The following DCAF7 variants were observed in gnomAD, a reference collection of about 807,000 sequenced individuals.
DCAF7 encodes DDB1 and CUL4 associated factor 7, also known as DDB1- and CUL4-associated factor 7.
Under a neutral mutation model 41.2 loss-of-function variants are expected in DCAF7, and 4 were observed. That is an observed-to-expected ratio of 0.10 (90% CI 0.05 to 0.22). The LOEUF (loss-of-function observed/expected upper bound fraction) is 0.22. Among genes scored for constraint, DCAF7 ranks in the 10% least tolerant of loss-of-function variants. The pLI is 1.00. For synonymous variants in DCAF7, 143 were observed against 164.2 expected, an observed-to-expected ratio of 0.87 and a Z score of 0.99; for missense variants, 131 against 443.2, an observed-to-expected ratio of 0.30 and a Z score of 6.32.
At chr17:63,583,378 G>A in intron 4 of DCAF7, 124 bp from the exon 5 acceptor site, 1 of 840,126 alleles carries the variant, frequency 1.2e-6, no homozygotes, top group Non-Finnish European at 2.0e-6. Context: ...CACTGTTTGG[G>A]CTTCATTTAT....
At chr17:63,585,105 C>A in intron 5 of DCAF7, 106 bp from the exon 6 acceptor site, 1 of 882,622 alleles carries the variant, frequency 1.1e-6, no homozygotes, top group Non-Finnish European at 1.8e-6. Context: ...TTTAAATCCA[C>A]AAATGAAAAA....
chr17:63,588,942 GATC>G, intron 6 of DCAF7, 55 bp from the exon 7 acceptor site: 1 of 1,533,866 alleles, frequency 6.5e-7, no homozygotes, highest in Non-Finnish European at 8.8e-7. Flanking sequence ...GAAATGCAGG[GATC>G]ATCATCCGCA....
intron 1 of DCAF7, among the ~76,000 whole-genome samples, chr17:63,552,122 C>T (rs1323219727): frequency 6.6e-6 from 1 of 151,924 alleles, no homozygotes; most frequent in African/African-American, 2.4e-5. Context: ...AAGGCTGATG[C>T]AGGGGGGAAG....
At chr17:63,555,032 T>C (rs1375050606) in intron 1 of DCAF7, among the ~76,000 whole-genome samples, 1 of 152,234 alleles carries the variant, frequency 6.6e-6, no homozygotes, top group African/African-American at 2.4e-5. Context: ...ATCCATTTTC[T>C]CTTGTTCTAC....
intron 1 of DCAF7, among the ~76,000 whole-genome samples, chr17:63,558,472 A>G (rs971843228): frequency 6.6e-6 from 1 of 152,246 alleles, no homozygotes; most frequent in Non-Finnish European, 1.5e-5. Context: ...CTTTTCTTGT[A>G]TAGTAAAGCT....
chr17:63,588,861 TC>T, intron 6 of DCAF7, 138 bp from the exon 7 acceptor site: 1 of 928,074 alleles, frequency 1.1e-6, no homozygotes, highest in Non-Finnish European at 1.6e-6. Flanking sequence ...CTCGATTTCC[TC>T]ATCGATAAAA....
At position 63,593,059 on chromosome 17, in the gene DCAF7, T is replaced by G. The variant is rs1373728657; in HGVS notation, c.*3887T>G. The G allele has an allele frequency of 6.6e-6, 1 of 152,402 alleles. No individual in the cohort carries two copies. Among genetic ancestry groups the G allele is most frequent in the African/African-American group, 2.4e-5 (1 of 41,438 alleles). 9.4% of individuals were successfully genotyped at this position (152,402 alleles called of 1,614,324 possible). A position where few individuals can be genotyped will look rare whatever the true frequency, so the allele number is the denominator to read the frequency against. On this transcript the variant is annotated 3_prime_UTR_variant, in exon 7 of 7. Transcript: ENST00000614556. ...TACTGTCCCTCTGCCTTCCCCACTT[T>G]GAGAATATGGCAGCCCCTTTCATTC... is the stretch of plus-strand genomic sequence containing the variant.
intron 1 of DCAF7, among the ~76,000 whole-genome samples, chr17:63,577,759 GAGCA>G (rs2033578425): frequency 6.6e-6 from 1 of 152,166 alleles, no homozygotes; most frequent in Non-Finnish European, 1.5e-5. Context: ...CCTGGCCCCT[GAGCA>G]CCAAATGTCC....
Position 63,550,516 on chromosome 17 carries a change from C to G in DCAF7, c.-162C>G, listed in dbSNP as rs961228271. On this transcript the variant is annotated 5_prime_UTR_variant, in exon 1 of 7. Transcript: ENST00000614556. The surrounding 1 kb of genome is among the most constrained non-coding windows in gnomAD (Gnocchi z 4.8). ...AGCTGGTTTGAAACTAGGGGTCGGG[C>G]TCGGCCGTCGTCGTTGTTTGTCGCC... The G allele has an allele frequency of 2.6e-6, 3 of 1,170,506 alleles. No individual in the cohort carries two copies. The highest frequency in any genetic ancestry group is 5.9e-5 in the Admixed American group (2 of 33,878). The allele number at this position is 1,170,506 out of a possible 1,614,324, so 72.5% of individuals were successfully genotyped here.
At chr17:63,577,878 AT>A (rs1449123535) in intron 1 of DCAF7, among the ~76,000 whole-genome samples, 3 of 152,076 alleles carry the variant, frequency 2.0e-5, no homozygotes, top group Non-Finnish European at 2.9e-5. Flanking sequence ...TAGTGCACTT[AT>A]GTAGTTGGAG....
In DCAF7 at chr17:63,593,766, C is replaced by G. The variant is rs924722713; in HGVS notation, c.*4594C>G. ...TCTTGTCAGTGACCTTCCTTCCCCA[C>G]CCCACCCAGAGTGAATTTGTAGCAT... On this transcript the variant is annotated 3_prime_UTR_variant, in exon 7 of 7. Coordinates refer to ENST00000614556, the MANE Select transcript of DCAF7 (RefSeq NM_005828.5). The G allele has an allele frequency of 8.5e-5, 13 of 152,618 alleles. No individual in the cohort carries two copies. Among genetic ancestry groups the G allele is most frequent in the Non-Finnish European group, 1.3e-4 (9 of 68,042 alleles). 9.5% of individuals were successfully genotyped at this position (152,618 alleles called of 1,614,324 possible).
chr17:63,586,155 C>T (rs916501049), intron 6 of DCAF7, among the ~76,000 whole-genome samples: 17 of 150,812 alleles, frequency 1.1e-4, no homozygotes, highest in Non-Finnish European at 2.1e-4. Flanking sequence ...AAAAAGTACC[C>T]CTTAAAAATA....
intron 2 of DCAF7, among the ~76,000 whole-genome samples, chr17:63,579,105 CCT>C (rs1213650922): frequency 6.6e-6 from 1 of 152,124 alleles, no homozygotes; most frequent in Non-Finnish European, 1.5e-5. Context: ...AGTGAGAAGA[CCT>C]CTCCTCTAGG....
chr17:63,556,244 CCTT>C (rs965888490), intron 1 of DCAF7, among the ~76,000 whole-genome samples: 13 of 152,308 alleles, frequency 8.5e-5, no homozygotes, highest in South Asian at 8.3e-4. Flanking sequence ...CACACATTCA[CCTT>C]CTTCTTCTGC....
chr17:63,555,129 T>G (rs1222802356), intron 1 of DCAF7, among the ~76,000 whole-genome samples: 1 of 152,250 alleles, frequency 6.6e-6, no homozygotes, highest in Non-Finnish European at 1.5e-5. Flanking sequence ...CCAGGTGTTA[T>G]TTCCCCTCTT....
At chr17:63,586,178 C>A (rs7209494) in intron 6 of DCAF7, among the ~76,000 whole-genome samples, 1,497 of 148,462 alleles carry the variant, frequency 0.01, 20 homozygotes, top group African/African-American at 0.036. Flanking sequence ...TTGGGCCAGG[C>A]ACAGTGTTTC....
intron 1 of DCAF7, among the ~76,000 whole-genome samples, chr17:63,559,209 G>A (rs1334120022): frequency 6.6e-6 from 1 of 150,378 alleles, no homozygotes; most frequent in Non-Finnish European, 1.5e-5. Flanking sequence ...TACTTGGGAG[G>A]CTGAGGCAGG....
intron 2 of DCAF7, 71 bp downstream of exon 2, chr17:63,578,699 A>T: frequency 6.3e-7 from 1 of 1,597,246 alleles, no homozygotes; most frequent in East Asian, 2.2e-5. Context: ...GTGAAAAGTC[A>T]CAGAACAGAC....
rs953414805 is a variant in DCAF7 at position 63,550,646 on chromosome 17, G to A, written c.-32G>A. On this transcript the variant is annotated 5_prime_UTR_variant, in exon 1 of 7. Transcript: ENST00000614556. The surrounding 1 kb of genome is among the most constrained non-coding windows in gnomAD (Gnocchi z 4.8). The stretch of plus-strand genomic sequence containing the variant: ...TCCCCGCCCGCCGCAGCCCACTGTT[G>A]ACCCGGCCCGTACTGCGGCCCCGTG... 3.1e-6 allele frequency: 5 copies of A among 1,609,000 alleles called. No homozygotes were observed. Among genetic ancestry groups the A allele is most frequent in the Admixed American group, 3.3e-5 (2 of 59,920 alleles).
Sources: allele counts gnomAD v4.1 joint callset (sites outside exome capture counted in the v4.1 genomes callset), GRCh38; gene constraint gnomAD v4.1.1; non-coding constraint Gnocchi (gnomAD v3.1); transcripts MANE v1.5; gene names NCBI Gene and HGNC (gene_info 2026-07-23, HGNC 2026-07-21).